The following NR3C1 variants were observed in gnomAD, a reference collection of about 807,000 sequenced individuals.
NR3C1 encodes the protein nuclear receptor subfamily 3 group C member 1.
In NR3C1, 14 loss-of-function variants were observed where a neutral mutation model predicts 74.0. That is an observed-to-expected ratio of 0.19 (90% CI 0.12 to 0.30). The LOEUF (loss-of-function observed/expected upper bound fraction) is 0.30. NR3C1 is among the 10% of genes least tolerant of loss of function. The pLI is 1.00. For synonymous variants in NR3C1, 308 were observed against 332.5 expected (o/e 0.93, Z 0.80); for missense variants, 695 against 909.8 (o/e 0.76, Z 3.04).
In NR3C1 at chr5:143,392,519, G is replaced by T. The variant is rs919206152; in HGVS notation, c.1184+7137C>A. ...TTCAGATAAGTGTTAAGGTTTCCTG[G>T]TTTTTTTTTTCTTTTTCTCTTTAAA... On this transcript the variant is annotated intron_variant, in intron 2 of 8. Transcript: ENST00000394464. Among the ~76,000 whole-genome samples, 6 of 149,054 alleles carry T rather than the reference G, an allele frequency of 4.0e-5. No individual in the cohort carries two copies. The East Asian group carries it at 5.8e-4, about 14-fold the overall frequency.
chr5:143,286,492 T>G lies in NR3C1; in HGVS notation c.2024-3767A>C, dbSNP rs1021890660. Among the ~76,000 whole-genome samples the G allele has an allele frequency of 4.6e-5, 7 of 152,250 alleles. 1 individual carries two copies. The East Asian group carries it at 1.3e-3, about 29-fold the overall frequency. On this transcript the variant is annotated intron_variant, in intron 7 of 8. Coordinates refer to ENST00000394464, the MANE Select transcript of NR3C1 (RefSeq NM_000176.3). ...ATATTATACCATTATACCATATTAG[T>G]GACTAAAAACGAAAAATATATGATC...
At chr5:143,332,674 C>T in intron 2 of NR3C1, 3 of 1,583,984 alleles carry the variant, frequency 1.9e-6, no homozygotes, top group Non-Finnish European at 2.6e-6. Flanking sequence ...CTACATGATT[C>T]CTGGCGGCAG....
Position 143,399,872 on chromosome 5 carries a change from C to G in NR3C1, c.968G>C (p.Gly323Ala). Residue 323 changes from glycine (G) to alanine (A), a missense_variant, in exon 2 of 9, where the codon GGT becomes GCT. By Grantham distance (60) the Gly-to-Ala change is moderately conservative (BLOSUM62 0). Coordinates refer to ENST00000394464, the MANE Select transcript of NR3C1 (RefSeq NM_000176.3). ...GNKMSAISVH[G>A]VSTSGGQMYH... ...CATCTGTCCTCCAGAGGTACTCACA[C>G]CATGAACAGAAATGGCAGACATTTT... 1 of 1,614,160 alleles carries G rather than the reference C, an allele frequency of 6.2e-7. No homozygotes were observed. Among genetic ancestry groups the G allele is most frequent in the Non-Finnish European group, 8.5e-7 (1 of 1,180,028 alleles).
At chr5:143,363,670 A>G (rs1369737750) in intron 2 of NR3C1, among the ~76,000 whole-genome samples, 6 of 152,180 alleles carry the variant, frequency 3.9e-5, no homozygotes, top group Non-Finnish European at 8.8e-5. Flanking sequence ...ATAAAACAGT[A>G]TCTCATTAAA....
At position 143,325,401 on chromosome 5, in the gene NR3C1, C is replaced by T. The variant is rs1383312890; in HGVS notation, c.1185-11233G>A. On this transcript the variant is annotated intron_variant, in intron 2 of 8. Transcript: ENST00000394464. ...AGACCAGACCCTGTGATTCAATTAG[C>T]TCCCCCTGGGTCCCTCCCACAACAC... Among the ~76,000 whole-genome samples, 7 of 152,170 alleles carry T rather than the reference C, an allele frequency of 4.6e-5. No individual in the cohort carries two copies. In the South Asian group the frequency reaches 1.0e-3, roughly 22 times the overall value.
intron 1 of NR3C1, among the ~76,000 whole-genome samples, chr5:143,423,708 C>G (rs1751357565): frequency 6.6e-6 from 1 of 152,098 alleles, no homozygotes; most frequent in Admixed American, 6.6e-5. Context: ...TGGAATCAAC[C>G]TAAGTGTCCA....
At chr5:143,305,143 T>C (rs912892264) in intron 4 of NR3C1, among the ~76,000 whole-genome samples, 2 of 152,166 alleles carry the variant, frequency 1.3e-5, no homozygotes, top group African/African-American at 4.8e-5. Flanking sequence ...AAAGCCCTAA[T>C]ATCCAGAGTT....
At position 143,298,806 on chromosome 5, in the gene NR3C1, C is replaced by G. The variant is rs749014287; in HGVS notation, c.1754G>C (p.Arg585Thr). ...CATTTGGTCATCCAGGTGTAAGTTC[C>G]TGAAACCTGAATTAAGAGAAATAAA... is the stretch of plus-strand genomic sequence containing the variant. ...VKWAKAIPGFRNLHLDDQMTL... is the reference protein window; with the variant it reads ...VKWAKAIPGFTNLHLDDQMTL... Residue 585 changes from arginine to threonine, a missense_variant, in exon 6 of 9, where the codon AGG (arginine) becomes ACG (threonine). Physicochemically the swap from Arg to Thr is moderately conservative, Grantham distance 71. Coordinates refer to ENST00000394464, the MANE Select transcript of NR3C1 (RefSeq NM_000176.3). 1 of 1,613,066 alleles carries G rather than the reference C, an allele frequency of 6.2e-7. No homozygotes were observed. The highest frequency in any genetic ancestry group is 1.1e-5 in the South Asian group (1 of 91,052).
chr5:143,316,595 T>G (rs1822128789), intron 2 of NR3C1, among the ~76,000 whole-genome samples: 2 of 152,116 alleles, frequency 1.3e-5, no homozygotes, highest in Admixed American at 1.3e-4. Flanking sequence ...GCTGACATAT[T>G]TTAGATCCCA....
At position 143,279,428 on chromosome 5, in the gene NR3C1, A is replaced by T. The variant is rs770972721; in HGVS notation, c.*2461T>A. 1 of 1,513,240 alleles carries T rather than the reference A, an allele frequency of 6.6e-7. No individual in the cohort carries two copies. The highest frequency in any genetic ancestry group is 8.8e-7 in the Non-Finnish European group (1 of 1,135,472). 93.7% of individuals were successfully genotyped at this position (1,513,240 alleles called of 1,614,324 possible). On this transcript the variant is annotated 3_prime_UTR_variant, in exon 9 of 9. Coordinates refer to ENST00000394464, the MANE Select transcript of NR3C1 (RefSeq NM_000176.3). Reference sequence around the variant, plus strand: ...CATAACATTCTATAAAGGAATGATAATCTACGTTTTAGAAGCTCTTTTTGA... The same window carrying T: ...CATAACATTCTATAAAGGAATGATATTCTACGTTTTAGAAGCTCTTTTTGA...
At chr5:143,418,580 A>G (rs1302216544) in intron 1 of NR3C1, among the ~76,000 whole-genome samples, 1 of 152,166 alleles carries the variant, frequency 6.6e-6, no homozygotes, top group Non-Finnish European at 1.5e-5. Flanking sequence ...AGATAGAGGT[A>G]AATAAGGTAT....
rs1829211265 is a variant in NR3C1 at position 143,345,990 on chromosome 5, T to C, written c.1185-31822A>G. 2.6e-5 allele frequency among the ~76,000 whole-genome samples: 4 copies of C among 152,316 alleles called. No individual in the cohort carries two copies. The South Asian group carries it at 8.3e-4, about 32-fold the overall frequency. ...CTACTGATGATGTTAAGTGAGAGCTTACTGTATGTGGATCCCAAATAAGTA... is the reference window on the plus strand; with the variant it reads ...CTACTGATGATGTTAAGTGAGAGCTCACTGTATGTGGATCCCAAATAAGTA... On this transcript the variant is annotated intron_variant, in intron 2 of 8. Coordinates refer to ENST00000394464, the MANE Select transcript of NR3C1 (RefSeq NM_000176.3).
At chr5:143,357,274 G>A (rs1831312271) in intron 2 of NR3C1, among the ~76,000 whole-genome samples, 1 of 152,050 alleles carries the variant, frequency 6.6e-6, no homozygotes, top group Admixed American at 6.6e-5. Context: ...AATAATTACA[G>A]GGAAAGTTAC....
At chr5:143,357,412 A>C (rs1008402306) in intron 2 of NR3C1, among the ~76,000 whole-genome samples, 1 of 152,190 alleles carries the variant, frequency 6.6e-6, no homozygotes, top group Non-Finnish European at 1.5e-5. Flanking sequence ...GAGCATAGCA[A>C]CATGAGAAAG....
At chr5:143,285,970 T>TA (rs200720817) in intron 7 of NR3C1, among the ~76,000 whole-genome samples, 936 of 81,860 alleles carry the variant, frequency 0.011, 9 homozygotes, top group Non-Finnish European at 0.013. Context: ...CCAGACTGAT[T>TA]AAAAAAAAAA....
At chr5:143,399,605 A>C in intron 2 of NR3C1, 51 bp downstream of exon 2, 1 of 1,275,874 alleles carries the variant, frequency 7.8e-7, no homozygotes, top group Non-Finnish European at 1.1e-6. Flanking sequence ...TACATCTATT[A>C]ATCTACCTTA....
intron 1 of NR3C1, among the ~76,000 whole-genome samples, chr5:143,430,152 A>G (rs17302697): frequency 0.4 from 60,860 of 151,646 alleles, 12,642 homozygotes; most frequent in African/African-American, 0.52. Flanking sequence ...AATATGGGGG[A>G]ATGCTCACAA....
intron 2 of NR3C1, among the ~76,000 whole-genome samples, chr5:143,327,015 A>C (rs573334728): frequency 6.6e-6 from 1 of 152,342 alleles, no homozygotes; most frequent in Admixed American, 6.5e-5. Flanking sequence ...TTTACTTAGC[A>C]CTTCTTCATC....
At chr5:143,402,952 T>TC in intron 1 of NR3C1, 1 of 747,648 alleles carries the variant, frequency 1.3e-6, no homozygotes, top group Non-Finnish European at 1.6e-6. Flanking sequence ...TCGACAGGGC[T>TC]CCGCTCGCCG....
Sources: gnomAD v4.1 joint callset for allele counts (sites outside exome capture counted in the v4.1 genomes callset) on GRCh38, gnomAD v4.1.1 for gene constraint, MANE v1.5 for transcripts, NCBI Gene and HGNC (gene_info 2026-07-23, HGNC 2026-07-21) for gene names.